The following WDFY3 variants were observed in gnomAD, a reference collection of about 807,000 sequenced individuals.
The protein encoded by WDFY3 is WD repeat and FYVE domain containing 3, also known as WD repeat and FYVE domain-containing protein 3.
In WDFY3, 66 loss-of-function variants were observed where a neutral mutation model predicts 409.6. The observed-to-expected ratio is 0.16, with a 90% CI of 0.13 to 0.20. The LOEUF (loss-of-function observed/expected upper bound fraction) is 0.20, where lower values mean the gene tolerates loss of function less well. Among genes scored for constraint, WDFY3 ranks in the 10% least tolerant of loss-of-function variants. WDFY3 has a pLI of 1.00. For synonymous variants in WDFY3, 1,521 were observed against 1,537.1 expected (o/e 0.99, Z 0.25); for missense variants, 3,031 against 4,298.1 (o/e 0.71, Z 8.24).
chr4:84,856,968 T>C (rs1759840776), intron 4 of WDFY3, among the ~76,000 whole-genome samples: 1 of 152,156 alleles, frequency 6.6e-6, no homozygotes, highest in South Asian at 2.1e-4. Flanking sequence ...TTAATGGAAA[T>C]GGTATCTAAG....
chr4:84,808,185 C>A (rs1322269966), intron 15 of WDFY3, 149 bp downstream of exon 15: 4 of 576,162 alleles, frequency 6.9e-6, no homozygotes, highest in Admixed American at 3.2e-5. Context: ...TCTAAAAACA[C>A]CCCCCAAAAC....
intron 35 of WDFY3, 83 bp downstream of exon 35, chr4:84,753,614 A>G: frequency 2.1e-6 from 3 of 1,405,378 alleles, no homozygotes; most frequent in Non-Finnish European, 2.8e-6. Flanking sequence ...ACTGTCAAAA[A>G]AAATCTGCTA....
At chr4:84,863,953 ATAT>A (rs1761018619) in intron 3 of WDFY3, among the ~76,000 whole-genome samples, 1 of 152,150 alleles carries the variant, frequency 6.6e-6, no homozygotes, top group South Asian at 2.1e-4. Flanking sequence ...GCTTTGTAAT[ATAT>A]TTTGATATCA....
chr4:84,772,981 A>G (rs1391128099), intron 29 of WDFY3, 52 bp from the exon 30 acceptor site: 2 of 1,415,446 alleles, frequency 1.4e-6, no homozygotes, highest in East Asian at 2.5e-5. Context: ...TCTTCCCAAA[A>G]CAAACAACAA....
chr4:84,710,830 A>G (rs1410497906), intron 51 of WDFY3, among the ~76,000 whole-genome samples: 4 of 152,196 alleles, frequency 2.6e-5, no homozygotes, highest in Non-Finnish European at 5.9e-5. Context: ...AAGTAGAAAA[A>G]AGGCTCATTA....
At chr4:84,832,117 A>G (rs2149936483) in intron 7 of WDFY3, among the ~76,000 whole-genome samples, 1 of 152,316 alleles carries the variant, frequency 6.6e-6, no homozygotes, top group East Asian at 1.9e-4. Flanking sequence ...ATGGATAAAG[A>G]AAACATGGAA....
In WDFY3 at chr4:84,946,737, A is replaced by AT. The variant is rs1772881285; in HGVS notation, c.-225-14375dup. 3.3e-5 allele frequency among the ~76,000 whole-genome samples: 5 copies of AT among 152,258 alleles called. No homozygotes were observed. In the South Asian group the frequency reaches 1.0e-3, roughly 32 times the overall value. On this transcript the variant is annotated intron_variant, in intron 1 of 67. Transcript: ENST00000295888. ...GTATATTCCTAGCGCGCTATACATC[A>AT]TAAGTCTGCATACCCTGGCTCTAGT...
chr4:84,914,018 T>G (rs1457112539), intron 2 of WDFY3, among the ~76,000 whole-genome samples: 1 of 152,180 alleles, frequency 6.6e-6, no homozygotes, highest in Non-Finnish European at 1.5e-5. Context: ...CCTGATGATT[T>G]TCTTAGTAAC....
chr4:84,940,231 C>G (rs1771934759), intron 1 of WDFY3, among the ~76,000 whole-genome samples: 1 of 152,040 alleles, frequency 6.6e-6, no homozygotes, highest in Non-Finnish European at 1.5e-5. Flanking sequence ...TCAAGAGTTG[C>G]CTGCAACCCG....
intron 2 of WDFY3, among the ~76,000 whole-genome samples, chr4:84,916,572 T>C (rs1332018212): frequency 6.6e-6 from 1 of 152,188 alleles, no homozygotes; most frequent in African/African-American, 2.4e-5. Flanking sequence ...TCTGACACTC[T>C]AATGCAGCAC....
chr4:84,838,362 A>G (rs1164132785), intron 6 of WDFY3, among the ~76,000 whole-genome samples: 1 of 152,214 alleles, frequency 6.6e-6, no homozygotes, highest in Non-Finnish European at 1.5e-5. Context: ...ACAGCTGGCT[A>G]AGTGGCCTAC....
chr4:84,778,710 C>A, intron 26 of WDFY3, 55 bp from the exon 27 acceptor site: 2 of 1,544,724 alleles, frequency 1.3e-6, no homozygotes, highest in Middle Eastern at 1.7e-4. Context: ...ATATTCATTA[C>A]ACACACACAA....
Position 84,805,863 on chromosome 4 carries a change from A to G in WDFY3, c.2430-2396T>C, listed in dbSNP as rs529753661. ...ATTCACTTCTTCTAACTCTGATTGA[A>G]CACTGTTCAGCTATAATTCTGTTCT... On this transcript the variant is annotated intron_variant, in intron 15 of 67. Transcript: ENST00000295888. 1.4e-4 allele frequency among the ~76,000 whole-genome samples: 22 copies of G among 152,298 alleles called. No homozygotes were observed. The South Asian group carries it at 4.6e-3, about 32-fold the overall frequency.
In WDFY3 at chr4:84,962,506, T is replaced by TCATG. The variant is rs1775039049; in HGVS notation, c.-226+3699_-226+3702dup. On this transcript the variant is annotated intron_variant, in intron 1 of 67. Coordinates refer to ENST00000295888, the MANE Select transcript of WDFY3 (RefSeq NM_014991.6). ...GGGAGTGTAGAGGTAGAGGACTGAC[T>TCATG]CATGACAGGGCATGAGTGAACTTTT... Among the ~76,000 whole-genome samples, 3 of 152,222 alleles carry TCATG rather than the reference T, an allele frequency of 2.0e-5. No homozygotes were observed. In the East Asian group the frequency reaches 5.8e-4, roughly 29 times the overall value.
chr4:84,879,132 T>C (rs1263665823), intron 3 of WDFY3, among the ~76,000 whole-genome samples: 1 of 152,192 alleles, frequency 6.6e-6, no homozygotes, highest in African/African-American at 2.4e-5. Flanking sequence ...GGGTCCCTAA[T>C]TTTGAAGCTG....
intron 3 of WDFY3, among the ~76,000 whole-genome samples, chr4:84,863,540 C>G (rs1408945102): frequency 1.3e-5 from 2 of 152,202 alleles, no homozygotes; most frequent in East Asian, 3.8e-4. Flanking sequence ...AACATCTACT[C>G]AGGTGCTTTC....
intron 2 of WDFY3, among the ~76,000 whole-genome samples, chr4:84,928,270 C>T (rs1409770158): frequency 1.3e-5 from 2 of 152,138 alleles, no homozygotes; most frequent in Non-Finnish European, 2.9e-5. Flanking sequence ...GCTTGACTCT[C>T]GAGCCCTCGG....
chr4:84,767,527 G>C (rs989167449), intron 30 of WDFY3, among the ~76,000 whole-genome samples: 1 of 151,922 alleles, frequency 6.6e-6, no homozygotes, highest in Non-Finnish European at 1.5e-5. Flanking sequence ...CAAGCCCAAA[G>C]CTGGCCTCTT....
intron 23 of WDFY3, among the ~76,000 whole-genome samples, chr4:84,786,956 C>G (rs1389829175): frequency 6.6e-6 from 1 of 152,172 alleles, no homozygotes; most frequent in Non-Finnish European, 1.5e-5. Flanking sequence ...GGAAGACCAT[C>G]ATTTGCAAGG....
Sources: gnomAD v4.1 joint callset for allele counts (sites outside exome capture counted in the v4.1 genomes callset) on GRCh38, gnomAD v4.1.1 for gene constraint, MANE v1.5 for transcripts, NCBI Gene and HGNC (gene_info 2026-07-23, HGNC 2026-07-21) for gene names.